NDST4: variants seen among roughly 807,000 people sequenced by gnomAD.
NDST4 encodes the protein N-deacetylase and N-sulfotransferase 4.
NDST4 carries 63 observed loss-of-function variants against 100.8 expected under a neutral mutation model. That is an observed-to-expected ratio of 0.62 (90% CI 0.51 to 0.77). NDST4 has a LOEUF of 0.77. Among genes scored for constraint, NDST4 ranks in the 30% least tolerant of loss-of-function variants. NDST4 has a pLI of 0.00. For missense variants in NDST4, 943 were observed against 1,018.4 expected (o/e 0.93, Z 1.01); for synonymous variants, 377 against 361.8 (o/e 1.04, Z -0.48).
rs752771102 is a variant in NDST4 at position 114,827,893 on chromosome 4, C to T, written c.2542G>A (p.Glu848Lys). 10 of 1,610,504 alleles carry T rather than the reference C, an allele frequency of 6.2e-6. No homozygotes were observed. The African/African-American group carries it at 9.4e-5, about 15-fold the overall frequency. ...AGTCTGTGTAGCAGTTTGGATAGTT[C>T]CACATTATGATCTCGGTAGTAATTA... ...LSNYYRDHNV[E>K]LSKLLHRLGQ... The change falls in exon 14 of 14, where the codon GAA (glutamate) becomes AAA (lysine). Residue 848 changes from glutamate to lysine, a missense_variant. Physicochemically the swap from Glu to Lys is moderately conservative, Grantham distance 56. Transcript: ENST00000264363.
chr4:115,043,582 C>T (rs992031782), intron 2 of NDST4, among the ~76,000 whole-genome samples: 12 of 151,868 alleles, frequency 7.9e-5, no homozygotes, highest in Non-Finnish European at 1.3e-4. Flanking sequence ...TTTTTAGATA[C>T]GAAAGAGACG....
chr4:114,994,298 T>A (rs1001058843), intron 2 of NDST4, among the ~76,000 whole-genome samples: 3 of 152,028 alleles, frequency 2.0e-5, no homozygotes, highest in African/African-American at 7.2e-5. Context: ...TAATTTAGCA[T>A]TATATATCTA....
intron 6 of NDST4, among the ~76,000 whole-genome samples, chr4:114,879,488 T>C (rs956927303): frequency 1.3e-5 from 2 of 152,092 alleles, no homozygotes; most frequent in Non-Finnish European, 1.5e-5. Context: ...CCATCCCTCT[T>C]CCCCATTCCC....
chr4:115,010,146 G>C (rs1727510465), intron 2 of NDST4, among the ~76,000 whole-genome samples: 1 of 127,422 alleles, frequency 7.8e-6, no homozygotes, highest in South Asian at 3.1e-4. Context: ...CAGGGATCTA[G>C]AACTAGAAAT....
At chr4:114,935,167 T>C (rs2126225219) in intron 6 of NDST4, 39 bp downstream of exon 6, 2 of 1,400,422 alleles carry the variant, frequency 1.4e-6, no homozygotes, top group Non-Finnish European at 1.9e-6. Flanking sequence ...CATTTAAAAA[T>C]GCTAATCTTA....
At chr4:115,034,322 C>T (rs1020574353) in intron 2 of NDST4, among the ~76,000 whole-genome samples, 2 of 152,060 alleles carry the variant, frequency 1.3e-5, no homozygotes, top group Non-Finnish European at 2.9e-5. Flanking sequence ...GTCCTCCTTC[C>T]TCCTTCCACT....
At chr4:115,081,846 T>C (rs1384702679) in intron 1 of NDST4, among the ~76,000 whole-genome samples, 5 of 152,196 alleles carry the variant, frequency 3.3e-5, no homozygotes, top group Non-Finnish European at 4.4e-5. Context: ...CCTTTCATTA[T>C]AGAAATAACA....
chr4:115,011,888 G>A (rs1343466264), intron 2 of NDST4, among the ~76,000 whole-genome samples: 4 of 151,774 alleles, frequency 2.6e-5, no homozygotes, highest in African/African-American at 9.7e-5. Context: ...AATTTTTCAT[G>A]TCCATAAATA....
At position 114,835,563 on chromosome 4, in the gene NDST4, C is replaced by G. The variant is rs202243951; in HGVS notation, c.2287-1848G>C. On this transcript the variant is annotated intron_variant, in intron 11 of 13. Transcript: ENST00000264363. Reference sequence around the variant, plus strand: ...TACGTGGTCAATTTTAGAATACATGCTGTGTGGTGTGGAGAAGAATGTATA... The same window carrying G: ...TACGTGGTCAATTTTAGAATACATGGTGTGTGGTGTGGAGAAGAATGTATA... Among the ~76,000 whole-genome samples, 9 of 152,232 alleles carry G rather than the reference C, an allele frequency of 5.9e-5. No individual in the cohort carries two copies. The East Asian group carries it at 1.7e-3, about 29-fold the overall frequency.
chr4:115,090,082 A>C (rs1019926749), intron 1 of NDST4, among the ~76,000 whole-genome samples: 2 of 151,936 alleles, frequency 1.3e-5, no homozygotes, highest in African/African-American at 4.8e-5. Context: ...ATTTTTAAAT[A>C]CAATGATAAA....
At chr4:114,979,544 C>T (rs965054585) in intron 2 of NDST4, among the ~76,000 whole-genome samples, 1 of 151,238 alleles carries the variant, frequency 6.6e-6, no homozygotes, top group African/African-American at 2.4e-5. Context: ...TAACATTTTT[C>T]CAATGGTAAT....
intron 2 of NDST4, among the ~76,000 whole-genome samples, chr4:115,026,590 T>C (rs1727990058): frequency 6.6e-6 from 1 of 151,956 alleles, no homozygotes. Flanking sequence ...TGTAATTTAC[T>C]CTCCAGTTCC....
chr4:114,870,267 A>C (rs1271078998), intron 7 of NDST4, among the ~76,000 whole-genome samples: 1 of 152,192 alleles, frequency 6.6e-6, no homozygotes, highest in Admixed American at 6.6e-5. Context: ...TGTTAGATTT[A>C]AAGAAAAGTG....
At chr4:114,975,446 G>A (rs1234107683) in intron 3 of NDST4, among the ~76,000 whole-genome samples, 1 of 152,044 alleles carries the variant, frequency 6.6e-6, no homozygotes, top group African/African-American at 2.4e-5. Flanking sequence ...CTGCTTAAAA[G>A]ATATAATTAA....
rs1306335760 is a variant in NDST4, at chr4:114,839,515, T to G, written c.2149A>C (p.Arg717=). The G allele has an allele frequency of 6.2e-7, 1 of 1,613,770 alleles. No individual in the cohort carries two copies. ...GAAATAACTTCATAGAAATTGAACC[T>G]CAGAGCAGCTGGATCTTCATGTGAT... The part of the protein sequence containing the change: ...QRSHEDPAAL[R]FNFYEVISTG... The change falls in exon 11 of 14, where the codon AGG becomes CGG. Residue 717 remains arginine, a synonymous_variant. Coordinates refer to ENST00000264363, the MANE Select transcript of NDST4 (RefSeq NM_022569.3).
At chr4:114,975,270 C>G (rs1457313548) in intron 3 of NDST4, among the ~76,000 whole-genome samples, 1 of 151,722 alleles carries the variant, frequency 6.6e-6, no homozygotes, top group African/African-American at 2.4e-5. Flanking sequence ...GTAAATATAT[C>G]CATTAAATAA....
At chr4:114,932,892 A>G (rs931516076) in intron 6 of NDST4, among the ~76,000 whole-genome samples, 1 of 152,110 alleles carries the variant, frequency 6.6e-6, no homozygotes, top group African/African-American at 2.4e-5. Flanking sequence ...AAATATCCAT[A>G]TTACTCACAA....
At chr4:114,914,215 G>A (rs1354053837) in intron 6 of NDST4, among the ~76,000 whole-genome samples, 1 of 151,968 alleles carries the variant, frequency 6.6e-6, no homozygotes, top group East Asian at 1.9e-4. Context: ...GGGAGGTGGG[G>A]ATAATTAATG....
chr4:115,082,143 T>G (rs2126291822), intron 1 of NDST4, among the ~76,000 whole-genome samples: 2 of 152,302 alleles, frequency 1.3e-5, no homozygotes, highest in South Asian at 4.1e-4. Flanking sequence ...TTTCTTATTT[T>G]TACCTTCTAT....
Sources: gnomAD v4.1 joint callset for allele counts (sites outside exome capture counted in the v4.1 genomes callset) on GRCh38, gnomAD v4.1.1 for gene constraint, MANE v1.5 for transcripts, NCBI Gene and HGNC (gene_info 2026-07-23, HGNC 2026-07-21) for gene names.